The following AGPAT3 variants were observed in gnomAD, a reference collection of about 807,000 sequenced individuals.
AGPAT3 encodes 1-acylglycerol-3-phosphate O-acyltransferase 3.
Under a neutral mutation model 47.3 loss-of-function variants are expected in AGPAT3, and 5 were observed. That is an observed-to-expected ratio of 0.11 (90% CI 0.06 to 0.22). The LOEUF (loss-of-function observed/expected upper bound fraction) is 0.22, where lower values mean the gene tolerates loss of function less well. Among genes scored for constraint, AGPAT3 ranks in the 10% least tolerant of loss-of-function variants. The pLI is 1.00. For missense variants in AGPAT3, 315 were observed against 493.0 expected (o/e 0.64, Z 3.42); for synonymous variants, 212 against 208.3 (o/e 1.02, Z -0.15).
chr21:43,926,519 G>A (rs1266171682), intron 2 of AGPAT3, among the ~76,000 whole-genome samples: 3 of 152,156 alleles, frequency 2.0e-5, no homozygotes, highest in Admixed American at 6.5e-5. Flanking sequence ...CAGGGGCCAC[G>A]CGTGCACGAG....
At chr21:43,966,101 C>A (rs1432580317) in intron 3 of AGPAT3, 2 of 152,240 alleles carry the variant, frequency 1.3e-5, no homozygotes, top group Non-Finnish European at 2.9e-5. Context: ...AGTTAGCCAG[C>A]GTCAGCCGAG....
intron 2 of AGPAT3, among the ~76,000 whole-genome samples, chr21:43,953,249 G>A (rs2088287540): frequency 6.6e-6 from 1 of 152,222 alleles, no homozygotes. Context: ...TCCTCCACGG[G>A]GCCCTGCATC....
intron 2 of AGPAT3, among the ~76,000 whole-genome samples, chr21:43,906,309 C>T (rs182416596): frequency 1.3e-3 from 192 of 152,148 alleles, no homozygotes; most frequent in African/African-American, 4.4e-3. Flanking sequence ...ACTAAGCAGA[C>T]GGTGTGGCAC....
At chr21:43,909,500 G>A (rs2086583927) in intron 2 of AGPAT3, among the ~76,000 whole-genome samples, 1 of 152,134 alleles carries the variant, frequency 6.6e-6, no homozygotes, top group Non-Finnish European at 1.5e-5. Flanking sequence ...GTTTCACCGT[G>A]TTAGCCAGGA....
At position 43,873,481 on chromosome 21, in the gene AGPAT3, G is replaced by A. The variant is rs191903488; in HGVS notation, c.-112+8136G>A. Among the ~76,000 whole-genome samples, 540 of 152,246 alleles carry A rather than the reference G, an allele frequency of 3.5e-3. 5 individuals are homozygous for A. The highest frequency in any genetic ancestry group is 0.011 in the African/African-American group (460 of 41,528). ...CATCCTCTGCCTCCCGGGTTCAAGC[G>A]ATTCTCCTGCCTCAGCCTCCCGAGT... On this transcript the variant is annotated intron_variant, in intron 1 of 9. Coordinates refer to ENST00000291572, the MANE Select transcript of AGPAT3 (RefSeq NM_020132.5).
At chr21:43,931,068 G>A (rs968161431) in intron 2 of AGPAT3, among the ~76,000 whole-genome samples, 6 of 152,146 alleles carry the variant, frequency 3.9e-5, no homozygotes, top group Non-Finnish European at 5.9e-5. Context: ...CGAGGGCCCC[G>A]TGACTGGACA....
At chr21:43,879,797 C>T (rs981586176) in intron 1 of AGPAT3, among the ~76,000 whole-genome samples, 1 of 152,124 alleles carries the variant, frequency 6.6e-6, no homozygotes, top group African/African-American at 2.4e-5. Context: ...AGAGTGACTG[C>T]AATCAATGAG....
chr21:43,883,246 A>AT (rs572542660), intron 1 of AGPAT3, among the ~76,000 whole-genome samples: 2 of 152,114 alleles, frequency 1.3e-5, no homozygotes, highest in Non-Finnish European at 2.9e-5. Context: ...CAAGGGCCTC[A>AT]TGGCCTGGAC....
At chr21:43,891,462 T>C (rs1191998322) in intron 1 of AGPAT3, among the ~76,000 whole-genome samples, 1 of 152,112 alleles carries the variant, frequency 6.6e-6, no homozygotes, top group African/African-American at 2.4e-5. Context: ...TGAAACCCTG[T>C]CTCTACTAAA....
intron 1 of AGPAT3, among the ~76,000 whole-genome samples, chr21:43,872,368 A>G (rs1250056192): frequency 6.6e-6 from 1 of 152,016 alleles, no homozygotes; most frequent in Non-Finnish European, 1.5e-5. Flanking sequence ...TTTAGTAGAG[A>G]CAGGGTTTCA....
rs2086816868 is a variant in AGPAT3 at position 43,918,649 on chromosome 21, C to T, written c.-49+14630C>T. Among the ~76,000 whole-genome samples, 5 of 149,948 alleles carry T rather than the reference C, an allele frequency of 3.3e-5. No individual in the cohort carries two copies. In the South Asian group the frequency reaches 6.3e-4, roughly 19 times the overall value. ...CCACCCAGGCTGAAGTGCAGTGGTA[C>T]GATCTTGGCTCACCGCAATCTCCGT... On this transcript the variant is annotated intron_variant, in intron 2 of 9. Coordinates refer to ENST00000291572, the MANE Select transcript of AGPAT3 (RefSeq NM_020132.5).
At chr21:43,897,737 G>T (rs931479635) in intron 1 of AGPAT3, among the ~76,000 whole-genome samples, 1 of 152,056 alleles carries the variant, frequency 6.6e-6, no homozygotes, top group Non-Finnish European at 1.5e-5. Flanking sequence ...CCTAGACGGG[G>T]TGGCAGCCGG....
rs147166054 is a variant in AGPAT3 at position 43,933,094 on chromosome 21, A to T, written c.-48-26540A>T. On this transcript the variant is annotated intron_variant, in intron 2 of 9. Coordinates refer to ENST00000291572, the MANE Select transcript of AGPAT3 (RefSeq NM_020132.5). This position sits in a 1 kb window ranked among gnomAD's most constrained non-coding sequence, Gnocchi z 6.0. ...ACCTGTTACATTCGTCTTTTTGATA[A>T]TAGCCAACTGAACGGCATGAAATGA... Among the ~76,000 whole-genome samples the T allele has an allele frequency of 4.8e-4, 73 of 152,310 alleles. No homozygotes were observed. Among genetic ancestry groups the T allele is most frequent in the African/African-American group, 1.5e-3 (61 of 41,566 alleles).
At chr21:43,931,651 G>T (rs192359410) in intron 2 of AGPAT3, among the ~76,000 whole-genome samples, 2 of 151,970 alleles carry the variant, frequency 1.3e-5, no homozygotes, top group African/African-American at 4.8e-5. Context: ...GAACTGCCGC[G>T]TGCTTCAGCT....
chr21:43,959,430 CGT>C (rs1022519921), intron 2 of AGPAT3, among the ~76,000 whole-genome samples: 33 of 110,044 alleles, frequency 3.0e-4, no homozygotes, highest in African/African-American at 1.1e-3. Context: ...TGGTGTGTGG[CGT>C]GTGTGTGGTT....
At chr21:43,927,173 A>G (rs1052141459) in intron 2 of AGPAT3, among the ~76,000 whole-genome samples, 1 of 152,054 alleles carries the variant, frequency 6.6e-6, no homozygotes, top group East Asian at 1.9e-4. Context: ...CCTTCTGACC[A>G]TGTACCTCGT....
Position 43,873,148 on chromosome 21 carries a change from G to A in AGPAT3, c.-112+7803G>A, listed in dbSNP as rs539708266. On this transcript the variant is annotated intron_variant, in intron 1 of 9. Transcript: ENST00000291572. ...CGGGTGCACCTGCCGTGTGCTTCCC[G>A]GGGGACATGCTGAGGTGCTCATAGT... Among the ~76,000 whole-genome samples the A allele has an allele frequency of 1.2e-4, 19 of 152,254 alleles. No homozygotes were observed. In the South Asian group the frequency reaches 3.7e-3, roughly 30 times the overall value.
chr21:43,910,615 G>A (rs2086610886), intron 2 of AGPAT3, among the ~76,000 whole-genome samples: 3 of 152,184 alleles, frequency 2.0e-5, no homozygotes, highest in South Asian at 2.1e-4. Context: ...GTATGCCCAC[G>A]GGGGACTGGA....
At chr21:43,975,720 T>G (rs1300187330) in intron 7 of AGPAT3, among the ~76,000 whole-genome samples, 1 of 152,228 alleles carries the variant, frequency 6.6e-6, no homozygotes, top group Non-Finnish European at 1.5e-5. Flanking sequence ...ATCTTAATTT[T>G]GGGTTTTTTT....
Sources: gnomAD v4.1 joint callset for allele counts (sites outside exome capture counted in the v4.1 genomes callset) on GRCh38, gnomAD v4.1.1 for gene constraint, Gnocchi (gnomAD v3.1) non-coding constraint, MANE v1.5 for transcripts, NCBI Gene and HGNC (gene_info 2026-07-23, HGNC 2026-07-21) for gene names.